Variants in CNTN4 observed in about 807,000 individuals in gnomAD.
CNTN4 encodes the protein contactin-4.
In CNTN4, 77 loss-of-function variants were observed where a neutral mutation model predicts 122.5. The observed-to-expected ratio is 0.63, with a 90% confidence interval of 0.52 to 0.76. CNTN4 has a LOEUF of 0.76. CNTN4 is among the 30% of genes least tolerant of loss of function. The pLI is 0.00. For missense variants in CNTN4, 1,256 were observed against 1,259.1 expected (o/e 1.00, Z 0.04); for synonymous variants, 512 against 447.0 (o/e 1.15, Z -1.83).
intron 4 of CNTN4, among the ~76,000 whole-genome samples, chr3:2,732,249 T>G (rs1458495827): frequency 6.6e-6 from 1 of 152,158 alleles, no homozygotes; most frequent in Non-Finnish European, 1.5e-5. Context: ...CAAACTTCAG[T>G]GTGCAGAAGA....
chr3:2,839,025 C>T (rs555554651), intron 7 of CNTN4, among the ~76,000 whole-genome samples: 59 of 152,200 alleles, frequency 3.9e-4, no homozygotes, highest in South Asian at 2.3e-3. Flanking sequence ...TGATGAATGT[C>T]GTACTAATGG....
Position 2,381,875 on chromosome 3 carries a change from T to G in CNTN4, c.-89+42642T>G, listed in dbSNP as rs530605270. Among the ~76,000 whole-genome samples the G allele has an allele frequency of 1.2e-4, 18 of 152,244 alleles. No individual in the cohort carries two copies. In the East Asian group the frequency reaches 3.5e-3, roughly 29 times the overall value. On this transcript the variant is annotated intron_variant, in intron 3 of 24. Coordinates refer to ENST00000418658, the MANE Select transcript of CNTN4 (RefSeq NM_175607.3). ...TAGCCAAGAATTTGAAATTTTTCTA[T>G]GAAGGTGCAAGGTTCTAAGACCAAA...
chr3:2,700,312 T>C lies in CNTN4; in HGVS notation c.56-35903T>C, dbSNP rs146924928. ...TGATCCAGAAGTTAAGTCCCTTACT[T>C]ATGGTTATATATTTAGAGGAAGAGA... On this transcript the variant is annotated intron_variant, in intron 4 of 24. Coordinates refer to ENST00000418658, the MANE Select transcript of CNTN4 (RefSeq NM_175607.3). Among the ~76,000 whole-genome samples the C allele has an allele frequency of 5.1e-3, 774 of 152,328 alleles. 10 individuals are homozygous for C. The highest frequency in any genetic ancestry group is 0.018 in the African/African-American group (741 of 41,582).
intron 4 of CNTN4, among the ~76,000 whole-genome samples, chr3:2,678,405 C>T (rs1559378869): frequency 2.6e-5 from 4 of 152,086 alleles, no homozygotes. Flanking sequence ...ACATGTTCGA[C>T]TTTATCTTAC....
intron 7 of CNTN4, among the ~76,000 whole-genome samples, chr3:2,850,387 T>A (rs2150641305): frequency 1.3e-5 from 2 of 152,344 alleles, no homozygotes; most frequent in East Asian, 3.9e-4. Flanking sequence ...AAGGATAGAC[T>A]CTTCACTTTT....
At chr3:2,344,282 T>C (rs952393667) in intron 3 of CNTN4, among the ~76,000 whole-genome samples, 3 of 151,786 alleles carry the variant, frequency 2.0e-5, no homozygotes, top group Admixed American at 6.6e-5. Context: ...GGTCAAATTT[T>C]TTTTTTTTTT....
chr3:2,661,747 G>A (rs1169247229), intron 4 of CNTN4, among the ~76,000 whole-genome samples: 7 of 147,198 alleles, frequency 4.8e-5, no homozygotes, highest in African/African-American at 1.5e-4. Flanking sequence ...AGGAGGCAGA[G>A]GTTGCGGTGA....
intron 3 of CNTN4, among the ~76,000 whole-genome samples, chr3:2,347,564 C>A (rs1350864253): frequency 2.0e-5 from 3 of 152,024 alleles, no homozygotes; most frequent in African/African-American, 7.2e-5. Context: ...TGCCCATCAT[C>A]ACACCCAGCT....
intron 2 of CNTN4, among the ~76,000 whole-genome samples, chr3:2,228,960 T>C (rs184290648): frequency 2.6e-5 from 4 of 152,252 alleles, no homozygotes; most frequent in African/African-American, 9.6e-5. Context: ...GAACCACTTT[T>C]CTGCATCCAT....
chr3:2,499,102 G>A (rs1204824425), intron 3 of CNTN4, among the ~76,000 whole-genome samples: 1 of 152,084 alleles, frequency 6.6e-6, no homozygotes, highest in Non-Finnish European at 1.5e-5. Context: ...TGGTGCTTTT[G>A]GTATCAAGTC....
At chr3:2,859,543 T>G (rs1173941058) in intron 7 of CNTN4, among the ~76,000 whole-genome samples, 1 of 152,012 alleles carries the variant, frequency 6.6e-6, no homozygotes, top group Non-Finnish European at 1.5e-5. Context: ...TCCTGGTTTT[T>G]TTTTTTTTTT....
At chr3:2,903,745 C>CT (rs796563282) in intron 12 of CNTN4, among the ~76,000 whole-genome samples, 2 of 151,982 alleles carry the variant, frequency 1.3e-5, no homozygotes, top group African/African-American at 4.8e-5. Context: ...ACAGTTTACA[C>CT]TTTTTTTTGT....
At chr3:2,690,483 G>A (rs2085672992) in intron 4 of CNTN4, among the ~76,000 whole-genome samples, 1 of 152,108 alleles carries the variant, frequency 6.6e-6, no homozygotes, top group South Asian at 2.1e-4. Flanking sequence ...AATAAGTGTG[G>A]TAATAATGGC....
Position 2,254,837 on chromosome 3 carries a change from C to G in CNTN4, c.-144-84341C>G, listed in dbSNP as rs574300148. On this transcript the variant is annotated intron_variant, in intron 2 of 24. Coordinates refer to ENST00000418658, the MANE Select transcript of CNTN4 (RefSeq NM_175607.3). ...AAATTTTCTCTCATTCTATAGGTTGCCTTTTCACTCTGATGATAGTTTCTT... is the reference window on the plus strand; with the variant it reads ...AAATTTTCTCTCATTCTATAGGTTGGCTTTTCACTCTGATGATAGTTTCTT... Among the ~76,000 whole-genome samples, 35 of 152,176 alleles carry G rather than the reference C, an allele frequency of 2.3e-4. No individual in the cohort carries two copies. In the South Asian group the frequency reaches 4.6e-3, roughly 20 times the overall value.
intron 3 of CNTN4, among the ~76,000 whole-genome samples, chr3:2,496,815 A>T (rs2076465657): frequency 6.6e-6 from 1 of 152,176 alleles, no homozygotes; most frequent in Non-Finnish European, 1.5e-5. Context: ...CAGACCCAAT[A>T]TATTAAGAGG....
At chr3:2,162,104 G>C (rs1347024827) in intron 2 of CNTN4, among the ~76,000 whole-genome samples, 1 of 152,120 alleles carries the variant, frequency 6.6e-6, no homozygotes, top group African/African-American at 2.4e-5. Flanking sequence ...TAAATGTAGT[G>C]TAGGTGTGAA....
chr3:3,049,722 T>A (rs974305029), intron 23 of CNTN4, among the ~76,000 whole-genome samples: 1 of 152,210 alleles, frequency 6.6e-6, no homozygotes, highest in African/African-American at 2.4e-5. Flanking sequence ...GAGATTTCAG[T>A]TGGGCCTTGG....
chr3:2,701,913 A>T (rs2086380401), intron 4 of CNTN4, among the ~76,000 whole-genome samples: 1 of 152,208 alleles, frequency 6.6e-6, no homozygotes, highest in African/African-American at 2.4e-5. Context: ...CTGACTCTAG[A>T]TAATTTAAGT....
At chr3:2,259,321 A>G (rs11714941) in intron 2 of CNTN4, among the ~76,000 whole-genome samples, 17,595 of 152,226 alleles carry the variant, frequency 0.12, 1,165 homozygotes, top group Middle Eastern at 0.16. Flanking sequence ...ACAATGACTG[A>G]TGTTTTATGA....
Sources: allele counts gnomAD v4.1 joint callset (sites outside exome capture counted in the v4.1 genomes callset), GRCh38; gene constraint gnomAD v4.1.1; transcripts MANE v1.5; gene names NCBI Gene and HGNC (gene_info 2026-07-23, HGNC 2026-07-21).